Variants in NCAM2 observed in about 807,000 individuals in gnomAD.
NCAM2 encodes neural cell adhesion molecule 2.
A neutral mutation model predicts 98.1 loss-of-function variants in NCAM2; 30 were observed. The observed-to-expected ratio is 0.31, with a 90% confidence interval of 0.23 to 0.41. The LOEUF (loss-of-function observed/expected upper bound fraction) is 0.41. NCAM2 is among the 10% of genes least tolerant of loss of function. NCAM2 has a pLI of 1.00. For missense variants in NCAM2, 867 were observed against 1,005.8 expected, an observed-to-expected ratio of 0.86 and a Z score of 1.87; for synonymous variants, 368 against 342.4, an observed-to-expected ratio of 1.07 and a Z score of -0.83.
intron 1 of NCAM2, among the ~76,000 whole-genome samples, chr21:21,069,274 A>G (rs1044757166): frequency 6.6e-6 from 1 of 152,170 alleles, no homozygotes; most frequent in Non-Finnish European, 1.5e-5. Flanking sequence ...TTCATTGTAT[A>G]TATCAGTTCA....
rs181043697 is a variant in NCAM2 at position 21,253,790 on chromosome 21, A to G, written c.56-26788A>G. On this transcript the variant is annotated intron_variant, in intron 1 of 17. Coordinates refer to ENST00000400546, the MANE Select transcript of NCAM2 (RefSeq NM_004540.5). ...CAAACTTAAAATGCTTACGCTATGA[A>G]CTTGTAGATATCAGGGAAATCGCTT... Among the ~76,000 whole-genome samples the G allele has an allele frequency of 7.2e-5, 11 of 152,314 alleles. No homozygotes were observed. The East Asian group carries it at 2.1e-3, about 29-fold the overall frequency.
At chr21:21,190,695 T>G (rs1373380783) in intron 1 of NCAM2, among the ~76,000 whole-genome samples, 1 of 152,178 alleles carries the variant, frequency 6.6e-6, no homozygotes, top group Non-Finnish European at 1.5e-5. Flanking sequence ...AGAACAAGCC[T>G]GCCTGGGATC....
intron 1 of NCAM2, among the ~76,000 whole-genome samples, chr21:21,149,688 G>T (rs190147407): frequency 5.5e-4 from 84 of 152,038 alleles, no homozygotes; most frequent in African/African-American, 2.0e-3. Context: ...TCCTGTGTTA[G>T]TTTGCTGAAA....
chr21:21,164,054 GAA>G (rs555805292), intron 1 of NCAM2, among the ~76,000 whole-genome samples: 1 of 151,824 alleles, frequency 6.6e-6, no homozygotes, highest in Non-Finnish European at 1.5e-5. Flanking sequence ...CCAGGACCTA[GAA>G]AAAAAATCTA....
chr21:21,136,844 G>A (rs1016691299), intron 1 of NCAM2, among the ~76,000 whole-genome samples: 2 of 151,596 alleles, frequency 1.3e-5, no homozygotes, highest in African/African-American at 4.8e-5. Flanking sequence ...CAAAGCAAAG[G>A]GAAAGTTAAA....
chr21:21,025,152 C>A (rs1209107767), intron 1 of NCAM2, among the ~76,000 whole-genome samples: 1 of 151,484 alleles, frequency 6.6e-6, no homozygotes, highest in Non-Finnish European at 1.5e-5. Context: ...GTGGTGCAAT[C>A]TCGGCTCACT....
chr21:21,333,156 T>C (rs1362203227), intron 6 of NCAM2, among the ~76,000 whole-genome samples: 4 of 152,136 alleles, frequency 2.6e-5, no homozygotes, highest in African/African-American at 9.7e-5. Flanking sequence ...TACCTGACTT[T>C]ATTGGGAGGG....
rs193018699 is a variant in NCAM2 at position 21,429,258 on chromosome 21, C to G, written c.1481-2850C>G. ...TTTGTGCTGAAAGAAAAAACAAAGGCTCTTCTTTCTCTGCAGGTGCACCAT... is the reference window on the plus strand; with the variant it reads ...TTTGTGCTGAAAGAAAAAACAAAGGGTCTTCTTTCTCTGCAGGTGCACCAT... On this transcript the variant is annotated intron_variant, in intron 11 of 17. Transcript: ENST00000400546. 3.2e-3 allele frequency among the ~76,000 whole-genome samples: 493 copies of G among 152,282 alleles called. 12 individuals are homozygous for G. Among genetic ancestry groups the G allele is most frequent in the Admixed American group, 0.031 (474 of 15,276 alleles).
intron 1 of NCAM2, among the ~76,000 whole-genome samples, chr21:21,180,355 T>C (rs1036260919): frequency 6.6e-5 from 10 of 152,184 alleles, no homozygotes; most frequent in Non-Finnish European, 1.3e-4. Context: ...ATTGAGTTGT[T>C]TGAGTTCCTT....
intron 12 of NCAM2, among the ~76,000 whole-genome samples, chr21:21,456,360 C>T (rs2146167347): frequency 6.6e-6 from 1 of 152,260 alleles, no homozygotes. Flanking sequence ...CTGAATCTCT[C>T]TTCTCTGTAT....
intron 16 of NCAM2, among the ~76,000 whole-genome samples, chr21:21,510,439 C>T (rs1287346761): frequency 6.6e-6 from 1 of 152,068 alleles, no homozygotes; most frequent in Non-Finnish European, 1.5e-5. Context: ...TGGATTCCTG[C>T]AGTGTCTACC....
At chr21:21,174,060 A>T (rs2068205451) in intron 1 of NCAM2, among the ~76,000 whole-genome samples, 1 of 152,140 alleles carries the variant, frequency 6.6e-6, no homozygotes, top group African/African-American at 2.4e-5. Flanking sequence ...AGTAGCTGTG[A>T]TTACGAGCGT....
chr21:21,036,837 G>A (rs1041214854), intron 1 of NCAM2, among the ~76,000 whole-genome samples: 15 of 152,194 alleles, frequency 9.9e-5, no homozygotes, highest in Non-Finnish European at 1.6e-4. Flanking sequence ...GTAGCCTGAA[G>A]TTGAGCTAAT....
intron 16 of NCAM2, among the ~76,000 whole-genome samples, chr21:21,533,050 T>C (rs185558453): frequency 9.9e-4 from 151 of 152,154 alleles, no homozygotes; most frequent in African/African-American, 3.4e-3. Flanking sequence ...AGGAATGATA[T>C]GGAACTGTGA....
chr21:21,139,532 T>C (rs901762840), intron 1 of NCAM2, among the ~76,000 whole-genome samples: 1 of 152,224 alleles, frequency 6.6e-6, no homozygotes, highest in African/African-American at 2.4e-5. Flanking sequence ...AAAATTAATA[T>C]ACAAACTAAC....
chr21:21,250,292 C>A (rs947229058), intron 1 of NCAM2, among the ~76,000 whole-genome samples: 15 of 152,182 alleles, frequency 9.9e-5, no homozygotes, highest in Admixed American at 9.2e-4. Context: ...TCCTTCTCAA[C>A]TCATGCTCTC....
intron 1 of NCAM2, among the ~76,000 whole-genome samples, chr21:21,049,683 C>G (rs1262665849): frequency 6.6e-6 from 1 of 152,070 alleles, no homozygotes; most frequent in East Asian, 1.9e-4. Flanking sequence ...ACCAGCCTGA[C>G]CAACATGGAG....
intron 8 of NCAM2, among the ~76,000 whole-genome samples, chr21:21,344,180 C>G (rs533716539): frequency 6.6e-6 from 1 of 152,302 alleles, no homozygotes; most frequent in African/African-American, 2.4e-5. Flanking sequence ...AGGACCCAGT[C>G]CTGGCAGCAT....
At chr21:21,117,872 T>C (rs572953532) in intron 1 of NCAM2, among the ~76,000 whole-genome samples, 1 of 152,220 alleles carries the variant, frequency 6.6e-6, no homozygotes, top group Non-Finnish European at 1.5e-5. Context: ...AGGATATGGC[T>C]TAGTATTAGG....
Sources: allele counts gnomAD v4.1 joint callset (sites outside exome capture counted in the v4.1 genomes callset), GRCh38; gene constraint gnomAD v4.1.1; transcripts MANE v1.5; gene names NCBI Gene and HGNC (gene_info 2026-07-23, HGNC 2026-07-21).